The following ARHGAP24 variants were observed in gnomAD, a reference collection of about 807,000 sequenced individuals.
The protein encoded by ARHGAP24 is rho GTPase-activating protein 24.
ARHGAP24 carries 50 observed loss-of-function variants against 76.4 expected under a neutral mutation model. That is an observed-to-expected ratio of 0.65 (90% confidence interval 0.52 to 0.83). ARHGAP24 has a LOEUF of 0.83. ARHGAP24 is among the 40% of genes least tolerant of loss of function. ARHGAP24 has a pLI of 0.00. For missense variants in ARHGAP24, 930 were observed against 914.2 expected (o/e 1.02, Z -0.22); for synonymous variants, 345 against 323.3 (o/e 1.07, Z -0.72).
intron 3 of ARHGAP24, among the ~76,000 whole-genome samples, chr4:85,905,603 C>A (rs1428100078): frequency 1.3e-5 from 2 of 152,162 alleles, no homozygotes; most frequent in Non-Finnish European, 2.9e-5. Context: ...TCCACAAGTT[C>A]TGTGTGGAAA....
chr4:85,721,917 T>A lies in ARHGAP24; in HGVS notation c.213T>A (p.Ser71=), dbSNP rs1218243776. 1 of 1,613,570 alleles carries A rather than the reference T, an allele frequency of 6.2e-7. No individual in the cohort carries two copies. Among genetic ancestry groups the A allele is most frequent in the Non-Finnish European group, 8.5e-7 (1 of 1,179,668 alleles). Residue 71 remains serine, a synonymous_variant, in exon 3 of 10, where the codon TCT becomes TCA. Coordinates refer to ENST00000395184, the MANE Select transcript of ARHGAP24 (RefSeq NM_001025616.3). ...GTIFLPGNKV[S]EHPCNEENPG... ...TTTTTCTGCCTGGAAATAAAGTTTC[T>A]GAGCATCCCTGCAATGAAGAGAACC...
At chr4:85,606,100 A>T (rs149409710) in intron 2 of ARHGAP24, among the ~76,000 whole-genome samples, 1 of 152,332 alleles carries the variant, frequency 6.6e-6, no homozygotes, top group East Asian at 1.9e-4. Context: ...TCAGTTATTC[A>T]GATTCAGATG....
chr4:85,600,648 A>G (rs1720000498), intron 2 of ARHGAP24, among the ~76,000 whole-genome samples: 1 of 152,200 alleles, frequency 6.6e-6, no homozygotes. Flanking sequence ...ATGGCAAAGT[A>G]TTTTCATAAT....
intron 3 of ARHGAP24, among the ~76,000 whole-genome samples, chr4:85,811,557 A>T (rs556386021): frequency 6.6e-6 from 1 of 152,242 alleles, no homozygotes; most frequent in African/African-American, 2.4e-5. Context: ...GTTTCACCCT[A>T]AAGTTTTATT....
intron 3 of ARHGAP24, among the ~76,000 whole-genome samples, chr4:85,775,349 G>C (rs1727275384): frequency 1.3e-5 from 2 of 152,130 alleles, no homozygotes; most frequent in South Asian, 4.2e-4. Context: ...TCATGCTGCT[G>C]ATAAAGACTT....
intron 4 of ARHGAP24, among the ~76,000 whole-genome samples, chr4:85,934,116 C>T (rs564819474): frequency 6.6e-6 from 1 of 152,240 alleles, no homozygotes; most frequent in East Asian, 1.9e-4. Context: ...CTACAACACA[C>T]AAGCCATCTT....
At chr4:85,506,779 GA>G (rs145109589) in intron 1 of ARHGAP24, among the ~76,000 whole-genome samples, 1,809 of 152,282 alleles carry the variant, frequency 0.012, 18 homozygotes, top group Non-Finnish European at 0.02. Context: ...CCAGTGAGAT[GA>G]ACCAGGTACC....
At chr4:85,924,817 T>C (rs1052454364) in intron 4 of ARHGAP24, 5 of 152,206 alleles carry the variant, frequency 3.3e-5, no homozygotes, top group Non-Finnish European at 2.9e-5. Context: ...GTTTGTAATA[T>C]ATCTATGTTT....
intron 8 of ARHGAP24, chr4:85,992,177 G>A: frequency 2.5e-6 from 1 of 397,622 alleles, no homozygotes; most frequent in East Asian, 3.6e-5. Flanking sequence ...AGAAGAAAAT[G>A]ACAGGGAATC....
chr4:85,959,651 G>T (rs1238298161), intron 5 of ARHGAP24, among the ~76,000 whole-genome samples: 3 of 152,138 alleles, frequency 2.0e-5, no homozygotes, highest in African/African-American at 7.2e-5. Context: ...TTATCAATAA[G>T]ATTTCCGTGA....
At chr4:85,484,265 T>A (rs1722933745) in intron 1 of ARHGAP24, among the ~76,000 whole-genome samples, 1 of 152,176 alleles carries the variant, frequency 6.6e-6, no homozygotes, top group South Asian at 2.1e-4. Context: ...TAAAGTATAT[T>A]CAATTTGAAA....
chr4:85,937,312 A>T (rs1448881148), intron 4 of ARHGAP24, among the ~76,000 whole-genome samples: 2 of 152,184 alleles, frequency 1.3e-5, no homozygotes, highest in East Asian at 3.8e-4. Flanking sequence ...GCTTGTACTG[A>T]TAACCAAAAT....
At chr4:85,683,015 A>T (rs1202580049) in intron 2 of ARHGAP24, among the ~76,000 whole-genome samples, 1 of 146,582 alleles carries the variant, frequency 6.8e-6, no homozygotes, top group Non-Finnish European at 1.5e-5. Context: ...ATAGATTTCT[A>T]TACCTATACT....
chr4:85,541,845 G>A (rs981086118), intron 1 of ARHGAP24, among the ~76,000 whole-genome samples: 9 of 151,978 alleles, frequency 5.9e-5, no homozygotes, highest in Admixed American at 5.2e-4. Context: ...GTTTGAGTTG[G>A]ACCTCAAACA....
In ARHGAP24 at chr4:85,855,445, G is replaced by A. The variant is rs547525371; in HGVS notation, c.269-68203G>A. On this transcript the variant is annotated intron_variant, in intron 3 of 9. Transcript: ENST00000395184. ...CTGATGACTGGGTGTGGTGGCTCAC[G>A]CCTGTAATCCCAGTACTTAGGGAGG... is the stretch of plus-strand genomic sequence containing the variant. 5.3e-5 allele frequency among the ~76,000 whole-genome samples: 8 copies of A among 152,170 alleles called. No individual in the cohort carries two copies. The East Asian group carries it at 1.5e-3, about 29-fold the overall frequency.
In ARHGAP24 at chr4:85,977,711, A is replaced by T. The variant is rs766208028; in HGVS notation, c.928+20A>T. 1.9e-6 allele frequency: 3 copies of T among 1,612,332 alleles called. No homozygotes were observed. The highest frequency in any genetic ancestry group is 2.5e-6 in the Non-Finnish European group (3 of 1,178,678). On this transcript the variant is annotated intron_variant, in intron 8 of 9. Transcript: ENST00000395184. The stretch of plus-strand genomic sequence containing the variant: ...TGGAGGGTAAGTAAATGATTATCTT[A>T]TACCCTTATCAAAAGAAGAAGTAAT...
At chr4:85,660,737 A>G (rs1472132054) in intron 2 of ARHGAP24, among the ~76,000 whole-genome samples, 1 of 137,474 alleles carries the variant, frequency 7.3e-6, no homozygotes, top group Admixed American at 8.3e-5. Context: ...AGGAGGTTGC[A>G]GTGAGCTGAG....
chr4:85,872,453 C>T (rs566874618), intron 3 of ARHGAP24, among the ~76,000 whole-genome samples: 3 of 151,834 alleles, frequency 2.0e-5, no homozygotes, highest in Non-Finnish European at 2.9e-5. Flanking sequence ...TCCACCACCA[C>T]GCCCAGCTAA....
intron 1 of ARHGAP24, among the ~76,000 whole-genome samples, chr4:85,512,888 T>C (rs2110106392): frequency 6.6e-6 from 1 of 152,336 alleles, no homozygotes; most frequent in East Asian, 1.9e-4. Flanking sequence ...TTAAACTCAG[T>C]ACTCCCACCA....
Sources: allele counts gnomAD v4.1 joint callset (sites outside exome capture counted in the v4.1 genomes callset), GRCh38; gene constraint gnomAD v4.1.1; transcripts MANE v1.5; gene names NCBI Gene and HGNC (gene_info 2026-07-23, HGNC 2026-07-21).